ENPP1: variants seen among roughly 807,000 people sequenced by gnomAD.
The protein encoded by ENPP1 is ectonucleotide pyrophosphatase/phosphodiesterase 1.
Under a neutral mutation model 122.8 loss-of-function variants are expected in ENPP1, and 73 were observed. That is an observed-to-expected ratio of 0.59 (90% CI 0.49 to 0.72). The LOEUF (loss-of-function observed/expected upper bound fraction) is 0.72, where lower values mean the gene tolerates loss of function less well. Among genes scored for constraint, ENPP1 ranks in the 30% least tolerant of loss-of-function variants. The pLI is 0.00. For synonymous variants in ENPP1, 367 were observed against 391.6 expected (o/e 0.94, Z 0.74); for missense variants, 978 against 1,128.1 (o/e 0.87, Z 1.91).
chr6:131,870,433 T>C (rs1167045736), intron 13 of ENPP1, among the ~76,000 whole-genome samples: 1 of 152,218 alleles, frequency 6.6e-6, no homozygotes, highest in East Asian at 1.9e-4. Context: ...CTCTGTTACC[T>C]CCCTCTCTTT....
intron 1 of ENPP1, among the ~76,000 whole-genome samples, chr6:131,810,509 T>A (rs2066004571): frequency 8.6e-6 from 1 of 115,822 alleles, no homozygotes; most frequent in African/African-American, 3.3e-5. Context: ...CCCAAAAGCA[T>A]CCTGACAATT....
chr6:131,818,560 A>T (rs1312659779), intron 1 of ENPP1, among the ~76,000 whole-genome samples: 1 of 151,906 alleles, frequency 6.6e-6, no homozygotes, highest in African/African-American at 2.4e-5. Context: ...AGGCAGGAGA[A>T]TGGCATGGAC....
chr6:131,871,195 T>A (rs1481297862), intron 13 of ENPP1, among the ~76,000 whole-genome samples: 1 of 152,162 alleles, frequency 6.6e-6, no homozygotes, highest in Non-Finnish European at 1.5e-5. Context: ...AAACTATATA[T>A]GTATGTCACT....
intron 1 of ENPP1, among the ~76,000 whole-genome samples, chr6:131,841,647 A>C (rs1413968228): frequency 6.6e-6 from 1 of 152,208 alleles, no homozygotes; most frequent in Non-Finnish European, 1.5e-5. Context: ...TATTTGTTGA[A>C]TGTTTACTTT....
intron 2 of ENPP1, among the ~76,000 whole-genome samples, chr6:131,849,599 A>G (rs1781855396): frequency 6.6e-6 from 1 of 152,202 alleles, no homozygotes; most frequent in Non-Finnish European, 1.5e-5. Flanking sequence ...ACATTTTGAA[A>G]TTTTAGGGAA....
chr6:131,825,929 C>T, intron 1 of ENPP1: 1 of 438,864 alleles, frequency 2.3e-6, no homozygotes, highest in Non-Finnish European at 4.1e-6. Flanking sequence ...TTATTTAAAG[C>T]CCTGGAGCAT....
chr6:131,867,651 A>G (rs1376019393), intron 11 of ENPP1, among the ~76,000 whole-genome samples: 1 of 152,198 alleles, frequency 6.6e-6, no homozygotes, highest in African/African-American at 2.4e-5. Flanking sequence ...CAAACACTGT[A>G]GATTTGAGCT....
At chr6:131,835,183 T>C (rs1345954215) in intron 1 of ENPP1, among the ~76,000 whole-genome samples, 3 of 152,226 alleles carry the variant, frequency 2.0e-5, no homozygotes, top group African/African-American at 4.8e-5. Context: ...TTTTAATGTG[T>C]AATTTACTTA....
chr6:131,820,520 G>A (rs1185029644), intron 1 of ENPP1: 1 of 152,616 alleles, frequency 6.6e-6, no homozygotes, highest in East Asian at 1.9e-4. Flanking sequence ...CTTTGGTCAA[G>A]GGTATATGAA....
At chr6:131,843,352 T>C (rs1781764341) in intron 1 of ENPP1, among the ~76,000 whole-genome samples, 1 of 152,222 alleles carries the variant, frequency 6.6e-6, no homozygotes, top group Non-Finnish European at 1.5e-5. Flanking sequence ...TTATAAAAGG[T>C]AAATCAAGAA....
chr6:131,835,753 T>C (rs1781665744), intron 1 of ENPP1, among the ~76,000 whole-genome samples: 1 of 152,150 alleles, frequency 6.6e-6, no homozygotes, highest in Non-Finnish European at 1.5e-5. Context: ...GTGTGTGTTG[T>C]TCCCCCCTCA....
chr6:131,831,137 AG>A (rs376791461), intron 1 of ENPP1, among the ~76,000 whole-genome samples: 18 of 147,026 alleles, frequency 1.2e-4, no homozygotes, highest in Non-Finnish European at 1.5e-4. Flanking sequence ...AAAAAAAAAA[AG>A]AAAAGAAAAT....
intron 1 of ENPP1, among the ~76,000 whole-genome samples, chr6:131,841,256 G>T (rs1367618040): frequency 6.6e-6 from 1 of 152,108 alleles, no homozygotes; most frequent in Non-Finnish European, 1.5e-5. Flanking sequence ...TACTCAATAG[G>T]ATCGAATCCC....
Position 131,849,980 on chromosome 6 carries a change from AT to A in ENPP1, c.314-4del. 1 of 1,591,670 alleles carries A rather than the reference AT, an allele frequency of 6.3e-7. No homozygotes were observed. Among genetic ancestry groups the A allele is most frequent in the Non-Finnish European group, 8.6e-7 (1 of 1,159,460 alleles). ...TTAGAAACATCTGACTTATCGTTCA[AT>A]TTTTTCAGTTAAAAGTTGCAAAGGT... On this transcript the variant is annotated splice_polypyrimidine_tract_variant and intron_variant, in intron 2 of 24. Transcript: ENST00000647893.
At chr6:131,853,163 C>CT (rs1448340748) in intron 5 of ENPP1, among the ~76,000 whole-genome samples, 1 of 151,744 alleles carries the variant, frequency 6.6e-6, no homozygotes, top group East Asian at 1.9e-4. Context: ...TATATGTCTT[C>CT]TTTTTTTTCT....
Position 131,895,015 on chromosome 6 carries a change from T to C in ENPP1, c.*4504T>C, listed in dbSNP as rs1782528186. ...CTTTCATAAGCATTAAGTAAAATTTTATAATGACTGCAGTCCAAGGACATT... is the reference window on the plus strand; with the variant it reads ...CTTTCATAAGCATTAAGTAAAATTTCATAATGACTGCAGTCCAAGGACATT... On this transcript the variant is annotated 3_prime_UTR_variant, in exon 25 of 25. Coordinates refer to ENST00000647893, the MANE Select transcript of ENPP1 (RefSeq NM_006208.3). 1 of 152,274 alleles carries C rather than the reference T, an allele frequency of 6.6e-6. No individual in the cohort carries two copies. Among genetic ancestry groups the C allele is most frequent in the Non-Finnish European group, 1.5e-5 (1 of 68,052 alleles). The allele number at this position is 152,274 out of a possible 1,614,324, so 9.4% of individuals were successfully genotyped here.
Position 131,875,881 on chromosome 6 carries a change from C to T in ENPP1, c.1723+18C>T. 1 of 1,576,180 alleles carries T rather than the reference C, an allele frequency of 6.3e-7. No individual in the cohort carries two copies. The highest frequency in any genetic ancestry group is 8.7e-7 in the Non-Finnish European group (1 of 1,145,410). On this transcript the variant is annotated intron_variant, in intron 17 of 24. Coordinates refer to ENST00000647893, the MANE Select transcript of ENPP1 (RefSeq NM_006208.3). ...AATGTGTGGTAAGTGTGAACAGGTG[C>T]CTTTTTTCCCTTCTGAAAATAGACC...
intron 17 of ENPP1, among the ~76,000 whole-genome samples, chr6:131,876,240 C>T (rs976600336): frequency 1.2e-4 from 19 of 152,082 alleles, no homozygotes; most frequent in Admixed American, 1.0e-3. Flanking sequence ...CTTCTGGTAG[C>T]CATAATGGTT....
chr6:131,868,089 G>A lies in ENPP1; in HGVS notation c.1236G>A (p.Leu412=). 1.2e-6 allele frequency: 2 copies of A among 1,613,382 alleles called. No individual in the cohort carries two copies. The highest frequency in any genetic ancestry group is 1.7e-6 in the Non-Finnish European group (2 of 1,179,496). Reference sequence around the variant, plus strand: ...TGGATGGTCTGAAAGAGCTGAACTTGCACAGATGCCTGAACCTCATCCTTA... The same window carrying A: ...TGGATGGTCTGAAAGAGCTGAACTTACACAGATGCCTGAACCTCATCCTTA... ...MLMDGLKELN[L]HRCLNLILIS... is the part of the protein sequence containing the mutation. The change falls in exon 12 of 25, where the codon TTG becomes TTA. Residue 412 remains leucine (L), a synonymous_variant. Transcript: ENST00000647893.
Sources: gnomAD v4.1 joint callset for allele counts (sites outside exome capture counted in the v4.1 genomes callset) on GRCh38, gnomAD v4.1.1 for gene constraint, MANE v1.5 for transcripts, NCBI Gene and HGNC (gene_info 2026-07-23, HGNC 2026-07-21) for gene names.